Variants in SPATA31H1 observed in about 807,000 individuals in gnomAD.
The protein encoded by SPATA31H1 is spermatogenesis-associated protein 31H1.
the SPATA31H1 span, among the ~76,000 whole-genome samples, chr2:27,556,303 G>A: frequency 6.8e-6 from 1 of 146,268 alleles, no homozygotes; most frequent in Non-Finnish European, 1.5e-5. Flanking sequence ...TTTTTTAATA[G>A]ACTGTATTTT....
the SPATA31H1 span, chr2:27,576,564 G>A: frequency 6.5e-7 from 1 of 1,547,802 alleles, no homozygotes; most frequent in Non-Finnish European, 8.7e-7. Context: ...CTTTCAAGAT[G>A]TAAAACCTAT....
chr2:27,572,241 C>G, the SPATA31H1 span: 10 of 398,168 alleles, frequency 2.5e-5, no homozygotes, highest in East Asian at 3.6e-4. Flanking sequence ...ACAGTTGCAC[C>G]AAGTGAAACC....
the SPATA31H1 span, chr2:27,579,022 G>A: frequency 6.2e-7 from 1 of 1,614,132 alleles, no homozygotes; most frequent in Non-Finnish European, 8.5e-7. Flanking sequence ...GAGATTCTAG[G>A]AGTGGATGTA....
chr2:27,562,886 CAA>C, the SPATA31H1 span, among the ~76,000 whole-genome samples: 16 of 123,872 alleles, frequency 1.3e-4, no homozygotes, highest in Non-Finnish European at 1.0e-4. Context: ...GATTCTGTCT[CAA>C]AAAAAAAAAA....
the SPATA31H1 span, among the ~76,000 whole-genome samples, chr2:27,560,307 A>G: frequency 8.0e-6 from 1 of 125,774 alleles, no homozygotes; most frequent in East Asian, 2.2e-4. Context: ...AGTATGTCTT[A>G]CAATTGATGG....
At chr2:27,552,912 G>A in the SPATA31H1 span, among the ~76,000 whole-genome samples, 1 of 152,036 alleles carries the variant, frequency 6.6e-6, no homozygotes, top group South Asian at 2.1e-4. Flanking sequence ...CTGTATGTAA[G>A]ATGTGTCATC....
the SPATA31H1 span, chr2:27,578,759 T>C: frequency 1.9e-6 from 3 of 1,614,024 alleles, no homozygotes; most frequent in Non-Finnish European, 2.5e-6. Flanking sequence ...CTGACTTCTC[T>C]AGGTTCCTAC....
the SPATA31H1 span, chr2:27,578,523 C>G: frequency 6.2e-7 from 1 of 1,614,064 alleles, no homozygotes; most frequent in Non-Finnish European, 8.5e-7. Flanking sequence ...AGAATTAACT[C>G]CAAGTCCATG....
the SPATA31H1 span, among the ~76,000 whole-genome samples, chr2:27,544,723 C>T: frequency 2.6e-5 from 4 of 151,500 alleles, no homozygotes; most frequent in East Asian, 1.9e-4. Context: ...TTAGTAGGGA[C>T]GAGGTTTCAC....
At chr2:27,578,779 C>T in the SPATA31H1 span, 7 of 1,614,024 alleles carry the variant, frequency 4.3e-6, no homozygotes, top group Non-Finnish European at 5.9e-6. Flanking sequence ...CAAAGCTCTT[C>T]AACCACACTC....
chr2:27,550,404 G>A, the SPATA31H1 span, among the ~76,000 whole-genome samples: 1 of 147,688 alleles, frequency 6.8e-6, no homozygotes, highest in Non-Finnish European at 1.5e-5. Flanking sequence ...GTATGAATGG[G>A]TGTTAAATTT....
At chr2:27,582,379 C>T in the SPATA31H1 span, 4 of 1,614,162 alleles carry the variant, frequency 2.5e-6, no homozygotes, top group South Asian at 4.4e-5. Context: ...CGACGCAGTC[C>T]CCTTAAGGAG....
At chr2:27,554,395 T>C in the SPATA31H1 span, among the ~76,000 whole-genome samples, 2 of 151,988 alleles carry the variant, frequency 1.3e-5, no homozygotes, top group Non-Finnish European at 2.9e-5. Flanking sequence ...TATCATTAAC[T>C]GGGTGGCTTA....
chr2:27,547,039 G>A, the SPATA31H1 span, among the ~76,000 whole-genome samples: 2 of 151,896 alleles, frequency 1.3e-5, no homozygotes, highest in East Asian at 1.9e-4. Context: ...TCAGGTAAAT[G>A]TATACATGTG....
the SPATA31H1 span, among the ~76,000 whole-genome samples, chr2:27,559,701 T>C: frequency 1.3e-5 from 2 of 152,272 alleles, no homozygotes; most frequent in East Asian, 3.9e-4. Context: ...TTATCCATTC[T>C]TTATTCAGAA....
the SPATA31H1 span, among the ~76,000 whole-genome samples, chr2:27,556,452 C>T: frequency 9.4e-3 from 1,419 of 151,660 alleles, 16 homozygotes; most frequent in Non-Finnish European, 0.015. Flanking sequence ...CCTTCTGGGA[C>T]TCCTATTACT....
the SPATA31H1 span, among the ~76,000 whole-genome samples, chr2:27,544,737 G>A: frequency 6.6e-6 from 1 of 151,718 alleles, no homozygotes; most frequent in Non-Finnish European, 1.5e-5. Flanking sequence ...GTTTCACCAT[G>A]TTGGCCAGGC....
At chr2:27,540,336 A>G in the SPATA31H1 span, among the ~76,000 whole-genome samples, 1 of 81,420 alleles carries the variant, frequency 1.2e-5, no homozygotes, top group South Asian at 5.6e-4. Flanking sequence ...ACTTCCCAGT[A>G]GGGGCGGCCG....
chr2:27,555,597 C>T, the SPATA31H1 span, among the ~76,000 whole-genome samples: 1 of 151,378 alleles, frequency 6.6e-6, no homozygotes, highest in African/African-American at 2.4e-5. Flanking sequence ...TTGCTTGAGC[C>T]CAAGAGTTTG....
Sources: allele counts gnomAD v4.1 joint callset (sites outside exome capture counted in the v4.1 genomes callset), GRCh38; gene constraint gnomAD v4.1.1; transcripts MANE v1.5; gene names NCBI Gene and HGNC (gene_info 2026-07-23, HGNC 2026-07-21).